Variants in RAPH1 observed in about 807,000 individuals in gnomAD.
RAPH1 encodes Ras association (RalGDS/AF-6) and pleckstrin homology domains 1.
Under a neutral mutation model 88.1 loss-of-function variants are expected in RAPH1, and 18 were observed. That is an observed-to-expected ratio of 0.20 (90% CI 0.14 to 0.30). The LOEUF (loss-of-function observed/expected upper bound fraction) is 0.30. RAPH1 is among the 10% of genes least tolerant of loss of function. RAPH1 has a pLI of 1.00. For synonymous variants in RAPH1, 587 were observed against 559.0 expected, an observed-to-expected ratio of 1.05 and a Z score of -0.71; for missense variants, 1,448 against 1,543.2, an observed-to-expected ratio of 0.94 and a Z score of 1.03.
chr2:203,462,365 G>T (rs1454431127), intron 4 of RAPH1, among the ~76,000 whole-genome samples: 2 of 152,142 alleles, frequency 1.3e-5, no homozygotes, highest in East Asian at 1.9e-4. Context: ...CTGTTACACT[G>T]AAAGTATACC....
At position 203,439,214 on chromosome 2, in the gene RAPH1, G is replaced by GCT. The variant is rs908244340; in HGVS notation, c.*221_*222dup. On this transcript the variant is annotated 3_prime_UTR_variant, in exon 14 of 14. Transcript: ENST00000319170. ...AAAGGAATAAATAGAATAACTCTCA[G>GCT]CTCTCTCTCTATATACACATACACA... is the stretch of plus-strand genomic sequence containing the variant. 1.1e-5 allele frequency: 5 copies of GCT among 463,450 alleles called. No individual in the cohort carries two copies. Among genetic ancestry groups the GCT allele is most frequent in the African/African-American group, 5.7e-5 (3 of 52,226 alleles). 28.7% of individuals were successfully genotyped at this position (463,450 alleles called of 1,614,324 possible).
At chr2:203,456,684 A>G (rs2098519847) in intron 8 of RAPH1, among the ~76,000 whole-genome samples, 2 of 152,210 alleles carry the variant, frequency 1.3e-5, no homozygotes, top group Admixed American at 1.3e-4. Context: ...TAGTATCACT[A>G]TGAAAACTGA....
intron 1 of RAPH1, among the ~76,000 whole-genome samples, chr2:203,517,463 G>C (rs1379584557): frequency 1.3e-5 from 2 of 151,268 alleles, no homozygotes; most frequent in African/African-American, 2.4e-5. Flanking sequence ...AGATTCAGCA[G>C]GCAAAAAATC....
At chr2:203,502,834 A>G (rs1229495547) in intron 1 of RAPH1, among the ~76,000 whole-genome samples, 1 of 151,084 alleles carries the variant, frequency 6.6e-6, no homozygotes, top group Non-Finnish European at 1.5e-5. Flanking sequence ...AAAAAAAAAA[A>G]GAATTCCTTT....
rs1689111156 is a variant in RAPH1 at position 203,506,895 on chromosome 2, T to TAG, written c.1-11543_1-11542insCT. On this transcript the variant is annotated intron_variant, in intron 1 of 13. Coordinates refer to ENST00000319170, the MANE Select transcript of RAPH1 (RefSeq NM_213589.3). Reference sequence around the variant, plus strand: ...ATATATATATAGATATATATATATATATATTTTTTTTTTTTTTGAGATGAA... The same window carrying TAG: ...ATATATATATAGATATATATATATATAGATATTTTTTTTTTTTTTGAGATGAA... 1.1e-4 allele frequency among the ~76,000 whole-genome samples: 12 copies of TAG among 111,848 alleles called. 1 individual carries two copies. The South Asian group carries it at 3.0e-3, about 28-fold the overall frequency. 73.4% of individuals were successfully genotyped at this position (111,848 alleles called of 152,430 possible).
chr2:203,491,248 G>A lies in RAPH1; in HGVS notation c.192C>T (p.Asn64=), dbSNP rs905598860. The change falls in exon 3 of 14, where the codon AAC becomes AAT. Residue 64 remains asparagine (N), a synonymous_variant. Coordinates refer to ENST00000319170, the MANE Select transcript of RAPH1 (RefSeq NM_213589.3). The part of the protein sequence containing the change: ...SPLRQETNMA[N]FSYRFSIYNL... Reference sequence around the variant, plus strand: ...TGTATATGGAGAAGCGGTAAGAAAAGTTGGCCATGTTTGTTTCCTGGCGAA... The same window carrying A: ...TGTATATGGAGAAGCGGTAAGAAAAATTGGCCATGTTTGTTTCCTGGCGAA... 3.1e-6 allele frequency: 5 copies of A among 1,613,124 alleles called. No homozygotes were observed. In the South Asian group the frequency reaches 5.5e-5, roughly 18 times the overall value.
intron 1 of RAPH1, among the ~76,000 whole-genome samples, chr2:203,510,294 C>A (rs2105920667): frequency 7.0e-6 from 1 of 142,816 alleles, no homozygotes; most frequent in African/African-American, 2.7e-5. Context: ...TGAGATCATG[C>A]CACTGCACTG....
intron 1 of RAPH1, among the ~76,000 whole-genome samples, chr2:203,503,717 T>C (rs918820956): frequency 4.6e-5 from 7 of 152,116 alleles, no homozygotes; most frequent in Admixed American, 4.6e-4. Context: ...CAGTCCAAAG[T>C]CCCATCTGAG....
chr2:203,489,933 A>G lies in RAPH1; in HGVS notation c.383T>C (p.Leu128Ser). 6.2e-7 allele frequency: 1 copy of G among 1,614,220 alleles called. No individual in the cohort carries two copies. Among genetic ancestry groups the G allele is most frequent in the African/African-American group, 1.3e-5 (1 of 75,046 alleles). The part of the protein sequence containing the change: ...TQKLPVSRHT[L>S]KHGTLKGLSS... ...TAATCCTTTCAAGGTGCCATGTTTC[A>G]ATGTATGTCGGCTAACAGGCAATTT... The change falls in exon 4 of 14, where the codon TTG (leucine) becomes TCG (serine). Residue 128 changes from leucine to serine, a missense_variant. This residue lies in a region of RAPH1 where 513 missense variants were observed against 653.1 expected (regional missense o/e 0.79). Coordinates refer to ENST00000319170, the MANE Select transcript of RAPH1 (RefSeq NM_213589.3).
chr2:203,490,256 C>T (rs1437331118), intron 3 of RAPH1, among the ~76,000 whole-genome samples, 167 bp from the exon 4 acceptor site: 1 of 152,140 alleles, frequency 6.6e-6, no homozygotes, highest in East Asian at 1.9e-4. Flanking sequence ...TTTAGAAGTA[C>T]ACAGTCCTCC....
intron 8 of RAPH1, among the ~76,000 whole-genome samples, chr2:203,455,883 C>T (rs1357993970): frequency 1.3e-5 from 2 of 151,012 alleles, no homozygotes; most frequent in Non-Finnish European, 1.5e-5. Flanking sequence ...GTGGCGCGAG[C>T]CTGTAGTCCC....
intron 4 of RAPH1, among the ~76,000 whole-genome samples, chr2:203,478,277 G>A (rs949314660): frequency 7.9e-5 from 12 of 151,810 alleles, no homozygotes; most frequent in African/African-American, 2.7e-4. Flanking sequence ...CTCGTGATCC[G>A]CCCTCCTTGG....
intron 1 of RAPH1, among the ~76,000 whole-genome samples, chr2:203,528,999 ATATATATTTTTT>A (rs1210683032): frequency 4.9e-5 from 4 of 81,156 alleles, no homozygotes; most frequent in African/African-American, 2.7e-4. Context: ...ATATATATAT[ATATATATTTTTT>A]TTTTTTTTTT....
In RAPH1 at chr2:203,505,931, C is replaced by A. The variant is rs575766364; in HGVS notation, c.1-10578G>T. 2.0e-5 allele frequency among the ~76,000 whole-genome samples: 3 copies of A among 152,328 alleles called. No individual in the cohort carries two copies. In the South Asian group the frequency reaches 6.2e-4, roughly 32 times the overall value. On this transcript the variant is annotated intron_variant, in intron 1 of 13. Coordinates refer to ENST00000319170, the MANE Select transcript of RAPH1 (RefSeq NM_213589.3). ...GTAGCTATTTAGTTATTTTTGCAGA[C>A]AGCTGATGTTGTGCATGTCCACTCC...
intron 2 of RAPH1, among the ~76,000 whole-genome samples, chr2:203,492,617 C>A (rs1688319114): frequency 6.6e-6 from 1 of 152,094 alleles, no homozygotes; most frequent in African/African-American, 2.4e-5. Flanking sequence ...ATATTTACAA[C>A]AGAGAAATTC....
At chr2:203,516,487 C>T (rs527986110) in intron 1 of RAPH1, among the ~76,000 whole-genome samples, 152 of 152,320 alleles carry the variant, frequency 1.0e-3, no homozygotes, top group African/African-American at 3.0e-3. Context: ...TGATGGCTCA[C>T]GCCTGTAATC....
chr2:203,480,542 T>TG (rs1425699847), intron 4 of RAPH1, among the ~76,000 whole-genome samples: 1 of 152,082 alleles, frequency 6.6e-6, no homozygotes, highest in Non-Finnish European at 1.5e-5. Flanking sequence ...AGCAAGACCC[T>TG]GTCTCAAAAA....
chr2:203,440,297 T>G lies in RAPH1; in HGVS notation c.2893A>C (p.Ser965Arg). 6.2e-7 allele frequency: 1 copy of G among 1,613,638 alleles called. No individual in the cohort carries two copies. The highest frequency in any genetic ancestry group is 2.2e-5 in the East Asian group (1 of 44,822). The change falls in exon 14 of 14, where the codon AGC (serine) becomes CGC (arginine). Residue 965 changes from serine to arginine, a missense_variant. Transcript: ENST00000319170. ...SPGKKTSKTSSPGGKKPPPTP... is the reference protein window; with the variant it reads ...SPGKKTSKTSRPGGKKPPPTP... Reference sequence around the variant, plus strand: ...GGGGGTGGTTTCTTTCCCCCAGGGCTGGACGTCTTACTGGTCTTTTTGCCT... The same window carrying G: ...GGGGGTGGTTTCTTTCCCCCAGGGCGGGACGTCTTACTGGTCTTTTTGCCT...
chr2:203,488,047 T>C (rs1559480541), intron 4 of RAPH1, among the ~76,000 whole-genome samples: 1 of 152,228 alleles, frequency 6.6e-6, no homozygotes, highest in Non-Finnish European at 1.5e-5. Context: ...CACAAGCTTA[T>C]TGGAAAGGTT....
Sources: gnomAD v4.1 joint callset for allele counts (sites outside exome capture counted in the v4.1 genomes callset) on GRCh38, gnomAD v4.1.1 for gene constraint, gnomAD v4.1.1 regional missense constraint, MANE v1.5 for transcripts, NCBI Gene and HGNC (gene_info 2026-07-23, HGNC 2026-07-21) for gene names.